The following TIMMDC1 variants were observed in gnomAD, a reference collection of about 807,000 sequenced individuals.
TIMMDC1 encodes the protein complex I assembly factor TIMMDC1, mitochondrial.
A neutral mutation model predicts 32.6 loss-of-function variants in TIMMDC1; 25 were observed. The observed-to-expected ratio is 0.77, with a 90% CI of 0.56 to 1.07. TIMMDC1 has a LOEUF of 1.07. Ranked by LOEUF, TIMMDC1 falls within the 50% of genes least tolerant of loss-of-function variation. The pLI, the probability that TIMMDC1 is intolerant of heterozygous loss-of-function variation, is 0.00. For synonymous variants in TIMMDC1, 130 were observed against 127.6 expected, an observed-to-expected ratio of 1.02 and a Z score of -0.13; for missense variants, 329 against 349.2, an observed-to-expected ratio of 0.94 and a Z score of 0.46.
chr3:119,498,681 C>G lies in TIMMDC1; in HGVS notation c.-53C>G. On this transcript the variant is annotated 5_prime_UTR_variant, in exon 1 of 7. Transcript: ENST00000494664. Reference sequence around the variant, plus strand: ...GTTACGCTCTCCCGCGGCACGTCCGCGAGGACTTGAAGTCCTGAGCGCTCA... The same window carrying G: ...GTTACGCTCTCCCGCGGCACGTCCGGGAGGACTTGAAGTCCTGAGCGCTCA... The G allele has an allele frequency of 6.4e-7, 1 of 1,556,530 alleles. No individual in the cohort carries two copies. Among genetic ancestry groups the G allele is most frequent in the Non-Finnish European group, 8.8e-7 (1 of 1,133,652 alleles).
intron 4 of TIMMDC1, among the ~76,000 whole-genome samples, chr3:119,508,699 C>T (rs990891248): frequency 6.6e-6 from 1 of 152,234 alleles, no homozygotes; most frequent in Non-Finnish European, 1.5e-5. Context: ...AGTCAGCCTT[C>T]AGGTTCTCAA....
rs189604333 is a variant in TIMMDC1, at chr3:119,508,722, C to T, written c.517+4701C>T. Among the ~76,000 whole-genome samples the T allele has an allele frequency of 2.6e-5, 4 of 152,340 alleles. No individual in the cohort carries two copies. The East Asian group carries it at 7.7e-4, about 29-fold the overall frequency. On this transcript the variant is annotated intron_variant, in intron 4 of 6. Transcript: ENST00000494664. The stretch of plus-strand genomic sequence containing the variant: ...TTCAGGTTCTCAAGTCATTTTGGGA[C>T]ATGCTTGGGATCTTGCCTTGCTCTC...
rs1215373016 is a variant in TIMMDC1 at position 119,500,817 on chromosome 3, A to G, written c.317A>G (p.Glu106Gly). 6.2e-7 allele frequency: 1 copy of G among 1,614,118 alleles called. No individual in the cohort carries two copies. The highest frequency in any genetic ancestry group is 1.1e-5 in the South Asian group (1 of 91,068). ...ATTCATGCTAAACAACAATACATTGAGCAGAGCCAGGCAGAAATTTATCAT... is the reference window on the plus strand; with the variant it reads ...ATTCATGCTAAACAACAATACATTGGGCAGAGCCAGGCAGAAATTTATCAT... The part of the protein sequence containing the change: ...AFIHAKQQYI[E>G]QSQAEIYHNR... The change falls in exon 2 of 7, where the codon GAG becomes GGG. Residue 106 changes from glutamate to glycine, a missense_variant. Glu to Gly is a moderately conservative substitution (Grantham distance 98). Coordinates refer to ENST00000494664, the MANE Select transcript of TIMMDC1 (RefSeq NM_016589.4).
intron 2 of TIMMDC1, among the ~76,000 whole-genome samples, chr3:119,501,764 G>A (rs1004271549): frequency 1.4e-4 from 22 of 151,900 alleles, no homozygotes; most frequent in Admixed American, 1.3e-4. Flanking sequence ...TGTTGAATTT[G>A]CCTGTTATGC....
At chr3:119,508,313 A>G (rs1324025209) in intron 4 of TIMMDC1, among the ~76,000 whole-genome samples, 2 of 152,168 alleles carry the variant, frequency 1.3e-5, no homozygotes, top group Non-Finnish European at 2.9e-5. Flanking sequence ...ACTGGTTTCC[A>G]TGGAGGCTTC....
intron 4 of TIMMDC1, among the ~76,000 whole-genome samples, chr3:119,509,480 CT>C (rs1204287524): frequency 8.6e-5 from 13 of 151,962 alleles, no homozygotes; most frequent in Non-Finnish European, 1.6e-4. Context: ...GTGAAAAAAG[CT>C]AGACACAAAA....
Position 119,517,206 on chromosome 3 carries a change from A to G in TIMMDC1, c.598A>G (p.Thr200Ala), listed in dbSNP as rs200592275. The G allele has an allele frequency of 7.9e-5, 126 of 1,603,130 alleles. 1 individual carries two copies. In the Middle Eastern group the frequency reaches 5.5e-3, roughly 70 times the overall value. ...AGGIIGALLG[T>A]PVGGLLMAFQ... is the part of the protein sequence containing the mutation. ...GCTTTCCCTCTCCTTTCTTCTCAGCACTCCTGTAGGAGGCCTGCTGATGGC... is the reference window on the plus strand; with the variant it reads ...GCTTTCCCTCTCCTTTCTTCTCAGCGCTCCTGTAGGAGGCCTGCTGATGGC... The change falls in exon 6 of 7, where the codon ACT becomes GCT. Residue 200 changes from threonine (T) to alanine (A), a missense_variant and splice_region_variant. By Grantham distance (58) the Thr-to-Ala change is moderately conservative. Coordinates refer to ENST00000494664, the MANE Select transcript of TIMMDC1 (RefSeq NM_016589.4).
Position 119,522,090 on chromosome 3 carries a change from A to G in TIMMDC1, c.708-1516A>G, listed in dbSNP as rs559595613. On this transcript the variant is annotated intron_variant, in intron 6 of 6. Transcript: ENST00000494664. ...CCAAAGGAAAAGAAACCAGCATATC[A>G]AAGAGTTATCTGCGCCCCCATGCTT... Among the ~76,000 whole-genome samples the G allele has an allele frequency of 3.9e-5, 6 of 152,294 alleles. No homozygotes were observed. In the South Asian group the frequency reaches 8.3e-4, roughly 21 times the overall value.
intron 6 of TIMMDC1, among the ~76,000 whole-genome samples, chr3:119,520,523 G>A (rs888161740): frequency 6.6e-6 from 1 of 152,098 alleles, no homozygotes; most frequent in Non-Finnish European, 1.5e-5. Flanking sequence ...ATAATCTATC[G>A]AGATTGAGCC....
chr3:119,512,665 A>G (rs1383498110), intron 4 of TIMMDC1, among the ~76,000 whole-genome samples: 2 of 152,178 alleles, frequency 1.3e-5, no homozygotes, highest in Admixed American at 1.3e-4. Context: ...TAATGGGATT[A>G]AAGGTGATTT....
At chr3:119,517,413 A>T in intron 6 of TIMMDC1, 98 bp downstream of exon 6, 1 of 714,530 alleles carries the variant, frequency 1.4e-6, no homozygotes. Flanking sequence ...CTGCCACTCA[A>T]TTCAAAGAAG....
intron 4 of TIMMDC1, 127 bp downstream of exon 4, chr3:119,504,148 A>G (rs1193955020): frequency 2.9e-6 from 2 of 682,576 alleles, no homozygotes; most frequent in Non-Finnish European, 5.1e-6. Context: ...ACATTGATGC[A>G]AAATGTATTT....
intron 4 of TIMMDC1, among the ~76,000 whole-genome samples, chr3:119,506,324 A>G (rs1331891039): frequency 1.3e-5 from 2 of 152,136 alleles, no homozygotes; most frequent in African/African-American, 2.4e-5. Context: ...GGAGTTTGAG[A>G]ACAGCCTGGG....
chr3:119,499,455 T>C (rs2081853370), intron 1 of TIMMDC1, among the ~76,000 whole-genome samples: 1 of 146,052 alleles, frequency 6.8e-6, no homozygotes, highest in Non-Finnish European at 1.5e-5. Flanking sequence ...TCGCGCTCTA[T>C]CGCCCAGGCT....
Position 119,503,893 on chromosome 3 carries a change from C to G in TIMMDC1, c.450-61C>G, listed in dbSNP as rs1214901922. 2.4e-5 allele frequency: 34 copies of G among 1,408,000 alleles called. No individual in the cohort carries two copies. In the South Asian group the frequency reaches 3.3e-4, roughly 14 times the overall value. 87.2% of individuals were successfully genotyped at this position (1,408,000 alleles called of 1,614,324 possible). On this transcript the variant is annotated intron_variant, in intron 3 of 6. Coordinates refer to ENST00000494664, the MANE Select transcript of TIMMDC1 (RefSeq NM_016589.4). ...CTATTAAGTCAGTGAAAATAACACT[C>G]AAGAAGGTAAATGGGATATGCTTTA...
intron 3 of TIMMDC1, 93 bp downstream of exon 3, chr3:119,503,713 C>A: frequency 2.0e-6 from 2 of 1,022,282 alleles, no homozygotes; most frequent in Non-Finnish European, 2.8e-6. Flanking sequence ...AAACTGAATA[C>A]CCACATGAAA....
chr3:119,517,084 G>C, intron 5 of TIMMDC1, 121 bp from the exon 6 acceptor site: 1 of 561,286 alleles, frequency 1.8e-6, no homozygotes. Context: ...ATTCTCAAAT[G>C]TTCCTGTACC....
intron 6 of TIMMDC1, among the ~76,000 whole-genome samples, chr3:119,523,272 C>T (rs865780491): frequency 6.6e-5 from 10 of 152,232 alleles, no homozygotes; most frequent in South Asian, 2.1e-4. Flanking sequence ...AAGAGGACAG[C>T]GAGACTTCAA....
chr3:119,507,126 T>C (rs761168613), intron 4 of TIMMDC1, among the ~76,000 whole-genome samples: 1 of 152,228 alleles, frequency 6.6e-6, no homozygotes, highest in Non-Finnish European at 1.5e-5. Flanking sequence ...TTGAGGAACA[T>C]TTACTGTGCT....
Sources: gnomAD v4.1 joint callset for allele counts (sites outside exome capture counted in the v4.1 genomes callset) on GRCh38, gnomAD v4.1.1 for gene constraint, MANE v1.5 for transcripts, NCBI Gene and HGNC (gene_info 2026-07-23, HGNC 2026-07-21) for gene names.